Variants in KALRN observed in about 807,000 individuals in gnomAD.
KALRN encodes kalirin.
In KALRN, 70 loss-of-function variants were observed where a neutral mutation model predicts 353.7. The observed-to-expected ratio is 0.20, with a 90% CI of 0.16 to 0.24. The LOEUF (loss-of-function observed/expected upper bound fraction) is 0.24. Ranked by LOEUF, KALRN falls within the 10% of genes least tolerant of loss-of-function variation. The pLI is 1.00. For synonymous variants in KALRN, 1,391 were observed against 1,434.8 expected (o/e 0.97, Z 0.69); for missense variants, 2,791 against 3,756.7 (o/e 0.74, Z 6.72).
intron 1 of KALRN, among the ~76,000 whole-genome samples, chr3:124,209,756 G>A (rs2150490395): frequency 6.6e-6 from 1 of 152,286 alleles, no homozygotes; most frequent in Non-Finnish European, 1.5e-5. Context: ...CAAAATTCTA[G>A]AATCTTAACT....
In KALRN at chr3:124,274,462, G is replaced by C. The variant is rs71332730; in HGVS notation, c.969+5207G>C. ...TCTACTTCATTTCTGAATAAAGGAA[G>C]CTCTACTGATGTCTACCCAGGAGGC... On this transcript the variant is annotated intron_variant, in intron 5 of 59. Transcript: ENST00000682506. Among the ~76,000 whole-genome samples the C allele has an allele frequency of 3.3e-5, 5 of 152,316 alleles. No homozygotes were observed. The South Asian group carries it at 8.3e-4, about 25-fold the overall frequency.
chr3:124,441,930 C>T lies in KALRN; in HGVS notation c.3199-15C>T. ...ACCTGCTGGGACAGGGGCCTCACAG[C>T]TTTGTCTTTCGCAGGCCTGCACCCT... On this transcript the variant is annotated splice_polypyrimidine_tract_variant and intron_variant, in intron 18 of 59. Coordinates refer to ENST00000682506, the MANE Select transcript of KALRN (RefSeq NM_001388419.1). The T allele has an allele frequency of 2.0e-6, 3 of 1,534,058 alleles. No homozygotes were observed. The highest frequency in any genetic ancestry group is 2.4e-5 in the South Asian group (2 of 83,046).
chr3:124,352,236 T>C (rs988922577), intron 10 of KALRN, among the ~76,000 whole-genome samples: 7 of 152,172 alleles, frequency 4.6e-5, no homozygotes, highest in African/African-American at 1.2e-4. Flanking sequence ...CTGCCCATAA[T>C]AGGATGGCTG....
intron 8 of KALRN, among the ~76,000 whole-genome samples, chr3:124,332,323 A>C (rs531004572): frequency 1.5e-3 from 224 of 152,142 alleles, no homozygotes; most frequent in Non-Finnish European, 2.0e-3. Flanking sequence ...TGAGGGGAGG[A>C]TGCAAACCCG....
intron 58 of KALRN, among the ~76,000 whole-genome samples, chr3:124,716,850 C>T (rs2063156238): frequency 6.6e-6 from 1 of 152,190 alleles, no homozygotes; most frequent in Non-Finnish European, 1.5e-5. Context: ...TTGCAAAACA[C>T]ATGTGGGGCT....
At chr3:124,661,075 G>T in intron 44 of KALRN, 102 bp downstream of exon 44, 2 of 908,372 alleles carry the variant, frequency 2.2e-6, no homozygotes. Context: ...GATCCAGGTG[G>T]ACCCCTCTCA....
chr3:124,381,526 G>C (rs1197985879), intron 10 of KALRN, among the ~76,000 whole-genome samples: 1 of 152,126 alleles, frequency 6.6e-6, no homozygotes, highest in African/African-American at 2.4e-5. Flanking sequence ...GAAGAGAGCT[G>C]GGCAGAGACA....
rs536138436 is a variant in KALRN at position 124,366,664 on chromosome 3, T to G, written c.1771-18181T>G. On this transcript the variant is annotated intron_variant, in intron 10 of 59. Transcript: ENST00000682506. ...AATCTTTTCCCCACCTTTCCCCCCT[T>G]TCTATTCCACAAAACCGCCATTGTC... Among the ~76,000 whole-genome samples the G allele has an allele frequency of 1.2e-4, 18 of 152,162 alleles. No individual in the cohort carries two copies. In the South Asian group the frequency reaches 3.7e-3, roughly 32 times the overall value.
intron 5 of KALRN, among the ~76,000 whole-genome samples, chr3:124,290,281 G>T (rs1036857420): frequency 6.6e-6 from 1 of 152,162 alleles, no homozygotes; most frequent in Non-Finnish European, 1.5e-5. Context: ...GGGCAGACAG[G>T]GTGGAATTTC....
In KALRN at chr3:124,723,297, T is replaced by C. The variant is rs2063381624; in HGVS notation, c.*3827T>C. 6.6e-6 allele frequency: 1 copy of C among 152,186 alleles called. No individual in the cohort carries two copies. Among genetic ancestry groups the C allele is most frequent in the Non-Finnish European group, 1.5e-5 (1 of 68,026 alleles). 9.4% of individuals were successfully genotyped at this position (152,186 alleles called of 1,614,324 possible). ...AAATGAAAACATCTGAATATAGGGG[T>C]GGGACCAGGAATGTTTGAGTTTCAA... is the stretch of plus-strand genomic sequence containing the variant. On this transcript the variant is annotated 3_prime_UTR_variant, in exon 60 of 60. Coordinates refer to ENST00000682506, the MANE Select transcript of KALRN (RefSeq NM_001388419.1).
chr3:124,062,796 A>G (rs2042078716), intron 1 of KALRN, among the ~76,000 whole-genome samples: 1 of 152,196 alleles, frequency 6.6e-6, no homozygotes. Context: ...GGTGATTTGA[A>G]TGAAATTCTC....
chr3:124,462,545 A>G lies in KALRN; in HGVS notation c.3943A>G (p.Ser1315Gly), dbSNP rs1325583270. The G allele has an allele frequency of 6.2e-7, 1 of 1,609,214 alleles. No individual in the cohort carries two copies. The highest frequency in any genetic ancestry group is 1.3e-5 in the African/African-American group (1 of 74,804). Residue 1315 changes from serine (S) to glycine (G), a missense_variant, in exon 25 of 60, where the codon AGT (serine) becomes GGT (glycine). Physicochemically the swap from Ser to Gly is moderately conservative, Grantham distance 56 (BLOSUM62 0). This residue lies in a region of KALRN where 268 missense variants were observed against 347.0 expected (regional missense o/e 0.77). Transcript: ENST00000682506. Reference protein sequence around the residue: ...CLETYLWEMTSGVEEIPPGIL... With the variant: ...CLETYLWEMTGGVEEIPPGIL... ...ACAGACCTACCTGTGGGAAATGACC[A>G]GTGGTGTGGAGGAGATCCCCCCTGG... is the stretch of plus-strand genomic sequence containing the variant.
chr3:124,269,290 G>A, intron 5 of KALRN, 35 bp downstream of exon 5: 1 of 1,542,300 alleles, frequency 6.5e-7, no homozygotes, highest in Non-Finnish European at 8.7e-7. Context: ...GAGCCGGGAT[G>A]GGGGTGAGGG....
In KALRN at chr3:124,721,463, T is replaced by C. The variant is rs770260590; in HGVS notation, c.*1993T>C. 1 of 152,190 alleles carries C rather than the reference T, an allele frequency of 6.6e-6. No homozygotes were observed. 9.4% of individuals were successfully genotyped at this position (152,190 alleles called of 1,614,324 possible). On this transcript the variant is annotated 3_prime_UTR_variant, in exon 60 of 60. Transcript: ENST00000682506. ...TATTTACAAACACTCTATGATACAA[T>C]ACATAAAAATTTAAAACATACATTA...
chr3:124,368,421 A>T (rs1286971987), intron 10 of KALRN, among the ~76,000 whole-genome samples: 1 of 139,324 alleles, frequency 7.2e-6, no homozygotes, highest in Non-Finnish European at 1.5e-5. Context: ...CACATCCCAG[A>T]TGGGGCGGCG....
Position 124,226,576 on chromosome 3 carries a change from A to C in KALRN, c.74-1414A>C, listed in dbSNP as rs559354949. The stretch of plus-strand genomic sequence containing the variant: ...CAGAGACACTTAGGAAATTTGTTTT[A>C]GGTTTAGGGTATGACCTCTGATCAT... On this transcript the variant is annotated intron_variant, in intron 1 of 59. Transcript: ENST00000682506. 2.6e-5 allele frequency among the ~76,000 whole-genome samples: 4 copies of C among 152,314 alleles called. No individual in the cohort carries two copies. The South Asian group carries it at 8.3e-4, about 32-fold the overall frequency.
chr3:124,322,311 C>T (rs566348648), intron 6 of KALRN, among the ~76,000 whole-genome samples: 23 of 152,156 alleles, frequency 1.5e-4, no homozygotes, highest in Non-Finnish European at 2.6e-4. Context: ...ATCATTAGGT[C>T]GACTCCCTCA....
At chr3:124,566,063 T>C (rs1052489022) in intron 34 of KALRN, among the ~76,000 whole-genome samples, 3 of 152,194 alleles carry the variant, frequency 2.0e-5, no homozygotes, top group African/African-American at 7.2e-5. Context: ...CACCCATTTC[T>C]TTGGCTTTTT....
chr3:124,503,858 C>A (rs1373489673), intron 33 of KALRN, among the ~76,000 whole-genome samples: 2 of 152,144 alleles, frequency 1.3e-5, no homozygotes, highest in Non-Finnish European at 1.5e-5. Flanking sequence ...AAAATACAAC[C>A]TAGGTTCACA....
Sources: allele counts gnomAD v4.1 joint callset (sites outside exome capture counted in the v4.1 genomes callset), GRCh38; gene constraint gnomAD v4.1.1; regional missense constraint gnomAD v4.1.1; transcripts MANE v1.5; gene names NCBI Gene and HGNC (gene_info 2026-07-23, HGNC 2026-07-21).